Variants in DIS3L2 observed in about 807,000 individuals in gnomAD.
DIS3L2 encodes DIS3 like 3'-5' exoribonuclease 2, also known as DIS3-like exonuclease 2.
DIS3L2 carries 34 observed loss-of-function variants against 97.5 expected under a neutral mutation model. That is an observed-to-expected ratio of 0.35 (90% confidence interval 0.27 to 0.46). The LOEUF is 0.46. Among genes scored for constraint, DIS3L2 ranks in the 20% least tolerant of loss-of-function variants. The pLI, the probability that DIS3L2 is intolerant of heterozygous loss-of-function variation, is 1.00. For synonymous variants in DIS3L2, 435 were observed against 445.2 expected (o/e 0.98, Z 0.29); for missense variants, 1,038 against 1,146.0 (o/e 0.91, Z 1.36).
intron 1 of DIS3L2, among the ~76,000 whole-genome samples, chr2:231,973,764 C>T (rs1193415457): frequency 6.6e-6 from 1 of 152,150 alleles, no homozygotes; most frequent in African/African-American, 2.4e-5. Flanking sequence ...GCTGATTACT[C>T]CTATATCTCA....
chr2:232,327,206 T>C (rs1695602644), intron 14 of DIS3L2, among the ~76,000 whole-genome samples: 1 of 152,228 alleles, frequency 6.6e-6, no homozygotes, highest in Non-Finnish European at 1.5e-5. Flanking sequence ...ACAGCCCTGC[T>C]CTTTCACCCT....
chr2:231,977,383 T>C (rs1342299998), intron 1 of DIS3L2, among the ~76,000 whole-genome samples: 1 of 152,226 alleles, frequency 6.6e-6, no homozygotes, highest in Non-Finnish European at 1.5e-5. Flanking sequence ...TTAAATCCTG[T>C]GTTCATAAAA....
At chr2:231,971,701 C>A (rs1275186554) in intron 1 of DIS3L2, among the ~76,000 whole-genome samples, 2 of 151,986 alleles carry the variant, frequency 1.3e-5, no homozygotes, top group Non-Finnish European at 2.9e-5. Flanking sequence ...CTGCCTTGGC[C>A]TCCCAAAGTG....
chr2:232,161,060 G>A (rs1690635197), intron 8 of DIS3L2, among the ~76,000 whole-genome samples: 1 of 152,060 alleles, frequency 6.6e-6, no homozygotes, highest in Admixed American at 6.5e-5. Context: ...TGGGACTGCG[G>A]GCATGCACCA....
intron 12 of DIS3L2, among the ~76,000 whole-genome samples, chr2:232,262,755 C>G (rs893894053): frequency 6.6e-6 from 1 of 152,102 alleles, no homozygotes; most frequent in Admixed American, 6.5e-5. Flanking sequence ...GCTTCTCCAC[C>G]TGTGTTCACT....
chr2:232,106,253 C>A (rs1400808627), intron 6 of DIS3L2, among the ~76,000 whole-genome samples: 1 of 152,156 alleles, frequency 6.6e-6, no homozygotes, highest in African/African-American at 2.4e-5. Context: ...ATCATGTACT[C>A]TTGTTGACAT....
intron 4 of DIS3L2, among the ~76,000 whole-genome samples, chr2:232,024,963 A>G (rs924030314): frequency 2.0e-5 from 3 of 152,208 alleles, no homozygotes; most frequent in Non-Finnish European, 4.4e-5. Flanking sequence ...TGGGAGAGCA[A>G]TATTCTTAAA....
chr2:232,006,710 C>T (rs1011014346), intron 1 of DIS3L2, among the ~76,000 whole-genome samples: 9 of 151,496 alleles, frequency 5.9e-5, no homozygotes, highest in African/African-American at 1.9e-4. Context: ...TGGTAGAAAC[C>T]GAAGAGGTAA....
intron 10 of DIS3L2, among the ~76,000 whole-genome samples, chr2:232,213,082 C>T (rs566216179): frequency 6.4e-4 from 97 of 152,132 alleles, no homozygotes; most frequent in Non-Finnish European, 1.1e-3. Flanking sequence ...AGATGCAGTC[C>T]GTGGAACTAT....
chr2:232,084,664 A>T (rs1409652785), intron 5 of DIS3L2, among the ~76,000 whole-genome samples: 2 of 152,178 alleles, frequency 1.3e-5, no homozygotes, highest in African/African-American at 4.8e-5. Context: ...CCATTGACAG[A>T]TGAATGGACA....
chr2:232,313,221 A>C lies in DIS3L2; in HGVS notation c.1739+13102A>C, dbSNP rs73995214. ...CTCACTCTTAGATTATGAAAATGAA[A>C]ATTTTTACTGGTGTTCTCTTTAGTA... is the stretch of plus-strand genomic sequence containing the variant. On this transcript the variant is annotated intron_variant, in intron 14 of 20. Transcript: ENST00000325385. Among the ~76,000 whole-genome samples the C allele has an allele frequency of 9.7e-3, 1,484 of 152,328 alleles. 19 individuals are homozygous for C. Among genetic ancestry groups the C allele is most frequent in the African/African-American group, 0.034 (1,393 of 41,552 alleles).
chr2:232,024,928 T>C (rs1312412390), intron 4 of DIS3L2, among the ~76,000 whole-genome samples: 3 of 152,160 alleles, frequency 2.0e-5, no homozygotes, highest in Non-Finnish European at 4.4e-5. Context: ...AGCAGTTCTC[T>C]AGAGAAGGTT....
chr2:232,330,200 G>T (rs1159025722), intron 15 of DIS3L2, among the ~76,000 whole-genome samples: 1 of 152,214 alleles, frequency 6.6e-6, no homozygotes, highest in Non-Finnish European at 1.5e-5. Flanking sequence ...CCTTCACCAG[G>T]ACTGTGCCAA....
In DIS3L2 at chr2:232,288,349, A is replaced by G. The variant is rs145459892; in HGVS notation, c.1660-11691A>G. On this transcript the variant is annotated intron_variant, in intron 13 of 20. Coordinates refer to ENST00000325385, the MANE Select transcript of DIS3L2 (RefSeq NM_152383.5). ...AGATGTGAGCACTGGCTCTTCTGAA[A>G]TCGTAGAGCGTCTCTTCTAACTGAT... Among the ~76,000 whole-genome samples the G allele has an allele frequency of 5.3e-5, 8 of 152,364 alleles. No individual in the cohort carries two copies. The East Asian group carries it at 1.4e-3, about 26-fold the overall frequency.
chr2:232,256,382 A>T (rs1169114658), intron 12 of DIS3L2, among the ~76,000 whole-genome samples: 1 of 152,174 alleles, frequency 6.6e-6, no homozygotes, highest in Non-Finnish European at 1.5e-5. Flanking sequence ...CCCACCTGCC[A>T]TCTTCTCATA....
chr2:232,035,698 G>A (rs1164560480), intron 5 of DIS3L2, among the ~76,000 whole-genome samples: 1 of 152,158 alleles, frequency 6.6e-6, no homozygotes, highest in Non-Finnish European at 1.5e-5. Flanking sequence ...CAAGCCTGGT[G>A]CTGACAGAAT....
At chr2:232,086,365 A>G (rs377084840) in intron 5 of DIS3L2, among the ~76,000 whole-genome samples, 5 of 7,538 alleles carry the variant, frequency 6.6e-4, no homozygotes, top group Admixed American at 3.1e-3. Context: ...ATATGTGTAT[A>G]TGTATATGTA....
chr2:232,251,850 G>T (rs547966651), intron 12 of DIS3L2, among the ~76,000 whole-genome samples: 19 of 152,238 alleles, frequency 1.2e-4, no homozygotes, highest in African/African-American at 4.3e-4. Flanking sequence ...GGTAGGAAAG[G>T]ACATTTTCAG....
At chr2:231,981,694 TATTTTA>T (rs1159811989) in intron 1 of DIS3L2, among the ~76,000 whole-genome samples, 1 of 147,976 alleles carries the variant, frequency 6.8e-6, no homozygotes, top group African/African-American at 2.5e-5. Context: ...AACATATGTT[TATTTTA>T]ATTAAGTGCT....
Sources: allele counts gnomAD v4.1 joint callset (sites outside exome capture counted in the v4.1 genomes callset), GRCh38; gene constraint gnomAD v4.1.1; transcripts MANE v1.5; gene names NCBI Gene and HGNC (gene_info 2026-07-23, HGNC 2026-07-21).